The following C12orf76 variants were observed in gnomAD, a reference collection of about 807,000 sequenced individuals.
The protein encoded by C12orf76 is uncharacterized protein C12orf76.
A neutral mutation model predicts 6.8 loss-of-function variants in C12orf76; 6 were observed. That is an observed-to-expected ratio of 0.88 (90% CI 0.48 to 1.73). The LOEUF (loss-of-function observed/expected upper bound fraction) is 1.73, where lower values mean the gene tolerates loss of function less well. Ranked by LOEUF, C12orf76 falls within the 40% of genes most tolerant of loss-of-function variation. C12orf76 has a pLI of 0.01. For synonymous variants in C12orf76, 56 were observed against 43.7 expected (o/e 1.28, Z -1.11); for missense variants, 99 against 98.2 (o/e 1.01, Z -0.03).
Position 110,042,417 on chromosome 12 carries a change from A to G in C12orf76, c.176T>C (p.Ile59Thr). The G allele has an allele frequency of 6.2e-7, 1 of 1,614,180 alleles. No homozygotes were observed. The part of the protein sequence containing the change: ...TIFSILLVTV[I>T]LMAFCVYKPI... ...CTTGTAGACACAAAATGCCATAAGG[A>G]TGACAGTCACCAGCAGGATGCTGAA... is the stretch of plus-strand genomic sequence containing the variant. The change falls in exon 2 of 2, where the codon ATC (isoleucine) becomes ACC (threonine). Residue 59 changes from isoleucine (I) to threonine (T), a missense_variant. Transcript: ENST00000615315.
chr12:110,061,921 C>A (rs564227410), intron 2 of C12orf76, among the ~76,000 whole-genome samples: 1 of 152,206 alleles, frequency 6.6e-6, no homozygotes, highest in East Asian at 1.9e-4. Flanking sequence ...GGCTACACGA[C>A]CTTGGACAAG....
chr12:110,041,756 T>C lies in C12orf76; in HGVS notation c.*618A>G. 6.5e-6 allele frequency: 1 copy of C among 153,278 alleles called. No homozygotes were observed. Among genetic ancestry groups the C allele is most frequent in the Non-Finnish European group, 1.5e-5 (1 of 68,754 alleles). The allele number at this position is 153,278 out of a possible 1,614,324, so 9.5% of individuals were successfully genotyped here. Reference sequence around the variant, plus strand: ...CATTTCCAGTCCAACTTCAGAGCATTCCAGGCCAAAGGTGCATATAGTAAC... The same window carrying C: ...CATTTCCAGTCCAACTTCAGAGCATCCCAGGCCAAAGGTGCATATAGTAAC... On this transcript the variant is annotated 3_prime_UTR_variant, in exon 2 of 2. Transcript: ENST00000615315.
At position 110,048,481 on chromosome 12, in the gene C12orf76, C is replaced by T; in HGVS notation, c.15G>A (p.Ala5=). 2.1e-6 allele frequency: 3 copies of T among 1,452,758 alleles called. No homozygotes were observed. Among genetic ancestry groups the T allele is most frequent in the East Asian group, 5.6e-5 (2 of 35,422 alleles). 90.0% of individuals were successfully genotyped at this position (1,452,758 alleles called of 1,614,324 possible). A position where few individuals can be genotyped will look rare whatever the true frequency, so the allele number is the denominator to read the frequency against. Residue 5 remains alanine (A), a synonymous_variant, in exon 1 of 2, where the codon GCG becomes GCA. Transcript: ENST00000615315. ...AGAGGCCAAGGTACAGCCACGGTAA[C>T]GCTGGACGCAGCATCTTCCCCAGCC... is the stretch of plus-strand genomic sequence containing the variant. MLRP[A]LPWLYLGLCS... is the part of the protein sequence containing the mutation.
upstream of C12orf76, chr12:110,051,082 TCTG>T (rs771654492): frequency 1.3e-6 from 1 of 780,668 alleles, no homozygotes; most frequent in African/African-American, 1.7e-5. Context: ...CTCTTTCACT[TCTG>T]CTGTCCTTTT....
At chr12:110,068,220 G>A (rs1436831179), upstream of C12orf76, among the ~76,000 whole-genome samples, 1 of 146,988 alleles carries the variant, frequency 6.8e-6, no homozygotes, top group Non-Finnish European at 1.5e-5. Context: ...AGAAGAAGAA[G>A]GAGAAGGAGA....
At chr12:110,065,747 A>G in intron 2 of C12orf76, 1 of 1,575,904 alleles carries the variant, frequency 6.3e-7, no homozygotes, top group Non-Finnish European at 8.7e-7. Context: ...CATGAGTCAG[A>G]TGGTTTCACT....
At chr12:110,056,760 T>A (rs1018200458) in intron 4 of C12orf76, among the ~76,000 whole-genome samples, 2 of 152,156 alleles carry the variant, frequency 1.3e-5, no homozygotes, top group African/African-American at 4.8e-5. Context: ...AGATAGTGAC[T>A]AAGTCTTATG....
At chr12:110,048,673 T>A (rs117124366), upstream of C12orf76, 850 of 1,267,450 alleles carry the variant, frequency 6.7e-4, 14 homozygotes, top group East Asian at 0.024. Flanking sequence ...TTAACGTTCC[T>A]CAATAACTAA....
At chr12:110,057,286 C>G in exon 4 of C12orf76, 3 of 1,611,076 alleles carry the variant, frequency 1.9e-6, no homozygotes, top group East Asian at 4.5e-5. Context: ...TTCCTCTCCC[C>G]CTTACAGCTC....
upstream of C12orf76, among the ~76,000 whole-genome samples, chr12:110,070,371 C>G (rs1441935433): frequency 1.3e-5 from 2 of 152,146 alleles, no homozygotes; most frequent in Admixed American, 1.3e-4. Flanking sequence ...TGAGACCAGC[C>G]TGGGCAACAT....
upstream of C12orf76, chr12:110,051,074 C>G (rs754774610): frequency 4.5e-5 from 35 of 780,396 alleles, no homozygotes; most frequent in South Asian, 4.6e-4. Context: ...ACGATCTCCT[C>G]TTTCACTTCT....
At chr12:110,065,960 C>T in exon 2 of C12orf76, 1 of 1,608,284 alleles carries the variant, frequency 6.2e-7, no homozygotes, top group Non-Finnish European at 8.5e-7. Flanking sequence ...CTGGATTCTT[C>T]TCCTTCTATG....
upstream of C12orf76, among the ~76,000 whole-genome samples, chr12:110,052,068 A>AC (rs1555252282): frequency 2.7e-5 from 4 of 146,670 alleles, no homozygotes; most frequent in African/African-American, 1.0e-4. Flanking sequence ...AATTTTTTGT[A>AC]TTTTTTTTTA....
chr12:110,068,475 T>C (rs7302198), upstream of C12orf76, among the ~76,000 whole-genome samples: 11,697 of 152,196 alleles, frequency 0.077, 470 homozygotes, highest in African/African-American at 0.095. Context: ...AAATTCCCCT[T>C]TGAGGCTTTG....
At chr12:110,048,226 G>A in intron 1 of C12orf76, 137 bp downstream of exon 1, 1 of 1,124,678 alleles carries the variant, frequency 8.9e-7, no homozygotes, top group Non-Finnish European at 1.2e-6. Flanking sequence ...GCCCCCTGAG[G>A]GGCCTCACCT....
At chr12:110,051,395 T>G (rs930362661), upstream of C12orf76, 3 of 625,904 alleles carry the variant, frequency 4.8e-6, no homozygotes, top group East Asian at 5.5e-5. Flanking sequence ...TGGCACATAC[T>G]GAGCACTCGC....
upstream of C12orf76, chr12:110,048,625 T>C: frequency 3.1e-6 from 4 of 1,299,940 alleles, no homozygotes; most frequent in Non-Finnish European, 3.9e-6. Context: ...CTGTGCGTCC[T>C]GGTCTAAGTT....
Position 110,042,285 on chromosome 12 carries a change from G to C in C12orf76, c.*89C>G, listed in dbSNP as rs1242226204. ...CCAGACCAAAGGTCATTTCCAAGTA[G>C]GAAAGTTTTGGTTCCAACTTCTCCA... On this transcript the variant is annotated 3_prime_UTR_variant, in exon 2 of 2. Coordinates refer to ENST00000615315, the MANE Select transcript of C12orf76 (RefSeq NM_001389625.1). The C allele has an allele frequency of 2.0e-6, 2 of 1,001,966 alleles. No individual in the cohort carries two copies. Among genetic ancestry groups the C allele is most frequent in the Non-Finnish European group, 3.2e-6 (2 of 630,310 alleles). 62.1% of individuals were successfully genotyped at this position (1,001,966 alleles called of 1,614,324 possible).
chr12:110,060,320 T>C (rs1231588997), intron 2 of C12orf76, among the ~76,000 whole-genome samples: 2 of 152,172 alleles, frequency 1.3e-5, no homozygotes, highest in Non-Finnish European at 2.9e-5. Flanking sequence ...AGTCATCATA[T>C]CCATTTCTGC....
Sources: allele counts gnomAD v4.1 joint callset (sites outside exome capture counted in the v4.1 genomes callset), GRCh38; gene constraint gnomAD v4.1.1; transcripts MANE v1.5; gene names NCBI Gene and HGNC (gene_info 2026-07-23, HGNC 2026-07-21).